The following NEK10 variants were observed in gnomAD, a reference collection of about 807,000 sequenced individuals.
NEK10 encodes the protein serine/threonine-protein kinase Nek10.
NEK10 carries 122 observed loss-of-function variants against 159.8 expected under a neutral mutation model. That is an observed-to-expected ratio of 0.76 (90% CI 0.66 to 0.89). NEK10 has a LOEUF of 0.89. Among genes scored for constraint, NEK10 ranks in the 40% least tolerant of loss-of-function variants. NEK10 has a pLI of 0.00. For missense variants in NEK10, 1,342 were observed against 1,323.1 expected, an observed-to-expected ratio of 1.01 and a Z score of -0.22; for synonymous variants, 466 against 457.1, an observed-to-expected ratio of 1.02 and a Z score of -0.25.
intron 26 of NEK10, among the ~76,000 whole-genome samples, chr3:27,177,431 G>C (rs532339111): frequency 6.6e-5 from 10 of 152,034 alleles, no homozygotes; most frequent in Middle Eastern, 3.4e-3. Flanking sequence ...TGTAGTCCCA[G>C]CTACTCGGGA....
intron 3 of NEK10, among the ~76,000 whole-genome samples, chr3:27,349,964 AGAACACTG>A (rs1292024523): frequency 1.3e-5 from 2 of 152,130 alleles, no homozygotes; most frequent in Non-Finnish European, 2.9e-5. Flanking sequence ...GAACAAAAGT[AGAACACTG>A]GAACACAATG....
chr3:27,236,052 GA>G (rs1471815138), intron 23 of NEK10, among the ~76,000 whole-genome samples: 8 of 152,064 alleles, frequency 5.3e-5, no homozygotes, highest in Non-Finnish European at 1.0e-4. Flanking sequence ...TGCAGAAACA[GA>G]AAAACAAATA....
intron 22 of NEK10, among the ~76,000 whole-genome samples, chr3:27,264,744 A>G (rs2040737371): frequency 6.6e-6 from 1 of 151,970 alleles, no homozygotes; most frequent in Non-Finnish European, 1.5e-5. Flanking sequence ...ATGCAAAAAA[A>G]TTATCTGGGT....
At chr3:27,285,565 C>T (rs945206494) in intron 20 of NEK10, among the ~76,000 whole-genome samples, 1 of 151,152 alleles carries the variant, frequency 6.6e-6, no homozygotes, top group Non-Finnish European at 1.5e-5. Flanking sequence ...CAAAACTGGA[C>T]TTCTCCAGGT....
intron 9 of NEK10, chr3:27,309,820 A>G (rs1189226442): frequency 6.6e-6 from 1 of 152,214 alleles, no homozygotes; most frequent in African/African-American, 2.4e-5. Flanking sequence ...ACTATCGAGC[A>G]TTCCATTTGC....
In NEK10 at chr3:27,307,925, A is replaced by T. The variant is rs776034709; in HGVS notation, c.737T>A (p.Ile246Lys). 6.6e-7 allele frequency: 1 copy of T among 1,518,870 alleles called. No homozygotes were observed. Among genetic ancestry groups the T allele is most frequent in the African/African-American group, 1.4e-5 (1 of 73,228 alleles). The allele number at this position is 1,518,870 out of a possible 1,614,324, so 94.1% of individuals were successfully genotyped here. A position where few individuals can be genotyped will look rare whatever the true frequency, so the allele number is the denominator to read the frequency against. ...ATTTTCTACAATGTTGAGTTCACTT[A>T]TCTTCTCCCTACATTCTTGACTATA... ...LAESQECREK[I>K]SELNIVENLL... is the part of the protein sequence containing the mutation. The change falls in exon 11 of 36, where the codon ATA (isoleucine) becomes AAA (lysine). Residue 246 changes from isoleucine to lysine, a missense_variant. By Grantham distance (102) the Ile-to-Lys change is moderately radical (BLOSUM62 -3). Coordinates refer to ENST00000691995, the MANE Select transcript of NEK10 (RefSeq NM_001394966.1).
chr3:27,208,708 G>A (rs1358617169), intron 23 of NEK10, among the ~76,000 whole-genome samples: 2 of 152,166 alleles, frequency 1.3e-5, no homozygotes, highest in South Asian at 4.1e-4. Flanking sequence ...GAGCAGATGT[G>A]CAGGAAGAAA....
chr3:27,112,369 T>C (rs185056796), intron 35 of NEK10, among the ~76,000 whole-genome samples: 1 of 152,378 alleles, frequency 6.6e-6, no homozygotes, highest in African/African-American at 2.4e-5. Flanking sequence ...ATGATGTGTG[T>C]ACTATTCAAA....
intron 1 of NEK10, among the ~76,000 whole-genome samples, chr3:27,365,596 T>A (rs28638474): frequency 7.4e-6 from 1 of 135,382 alleles, no homozygotes; most frequent in Non-Finnish European, 1.5e-5. Flanking sequence ...TGGTTTTTTG[T>A]GTTTTTTTTT....
At chr3:27,184,376 T>C (rs1437095162) in intron 26 of NEK10, among the ~76,000 whole-genome samples, 2 of 152,204 alleles carry the variant, frequency 1.3e-5, no homozygotes, top group Non-Finnish European at 2.9e-5. Context: ...AAGTAATTTA[T>C]AGTGACAGAA....
rs146771098 is a variant in NEK10, at chr3:27,129,887, A to G, written c.3081+1993T>C. 4.2e-3 allele frequency among the ~76,000 whole-genome samples: 631 copies of G among 151,452 alleles called. 3 individuals carry two copies. Among genetic ancestry groups the G allele is most frequent in the African/African-American group, 0.015 (600 of 41,286 alleles). On this transcript the variant is annotated intron_variant, in intron 32 of 35. Transcript: ENST00000691995. ...AATTCTGGACAGGGAAAATTAAGAA[A>G]GGTTTTTTTTTTTTGTCAGAGCTAT...
intron 30 of NEK10, among the ~76,000 whole-genome samples, chr3:27,154,038 T>C (rs983796326): frequency 1.3e-5 from 2 of 151,952 alleles, no homozygotes; most frequent in Non-Finnish European, 2.9e-5. Flanking sequence ...AAAATATAAA[T>C]AAAATTGATA....
intron 30 of NEK10, among the ~76,000 whole-genome samples, chr3:27,148,820 T>A (rs148543489): frequency 6.6e-6 from 1 of 152,094 alleles, no homozygotes; most frequent in African/African-American, 2.4e-5. Flanking sequence ...CCAAATGGCA[T>A]GAGTGTGAGT....
At chr3:27,125,110 AG>A (rs977426686) in intron 32 of NEK10, among the ~76,000 whole-genome samples, 5 of 152,206 alleles carry the variant, frequency 3.3e-5, no homozygotes, top group African/African-American at 1.2e-4. Flanking sequence ...AAATATATTA[AG>A]GAGAACAGAC....
At chr3:27,362,143 G>A (rs1483097170) in intron 1 of NEK10, among the ~76,000 whole-genome samples, 1 of 152,170 alleles carries the variant, frequency 6.6e-6, no homozygotes, top group Non-Finnish European at 1.5e-5. Flanking sequence ...CTGTGAACTT[G>A]AAGAAGGTCC....
intron 35 of NEK10, among the ~76,000 whole-genome samples, chr3:27,113,556 T>C (rs185808186): frequency 3.0e-4 from 45 of 152,190 alleles, no homozygotes; most frequent in Middle Eastern, 3.4e-3. Context: ...ACCCAACTTA[T>C]ATTGCTTAAA....
At chr3:27,243,006 A>G (rs1410762884) in intron 23 of NEK10, among the ~76,000 whole-genome samples, 1 of 152,222 alleles carries the variant, frequency 6.6e-6, no homozygotes, top group Non-Finnish European at 1.5e-5. Flanking sequence ...TAAAATTGTC[A>G]CAGTTTAACA....
At chr3:27,161,678 AAC>A (rs1234828057) in intron 30 of NEK10, among the ~76,000 whole-genome samples, 1 of 152,246 alleles carries the variant, frequency 6.6e-6, no homozygotes, top group Non-Finnish European at 1.5e-5. Context: ...TAGAAACATT[AAC>A]ACATTCTTCC....
At position 27,344,363 on chromosome 3, in the gene NEK10, A is replaced by G. The variant is rs1431681277; in HGVS notation, c.271T>C (p.Tyr91His). The G allele has an allele frequency of 6.5e-7, 1 of 1,540,344 alleles. No individual in the cohort carries two copies. The highest frequency in any genetic ancestry group is 8.9e-7 in the Non-Finnish European group (1 of 1,119,872). ...AVELENFSIN[Y>H]KNERNFSKHP... is the part of the protein sequence containing the mutation. ...TTGCTGAAATTTCTCTCATTCTTGTAGTTTATACTGAGACAAAACAAACAG... is the reference window on the plus strand; with the variant it reads ...TTGCTGAAATTTCTCTCATTCTTGTGGTTTATACTGAGACAAAACAAACAG... The change falls in exon 5 of 36, where the codon TAC (tyrosine) becomes CAC (histidine). Residue 91 changes from tyrosine (Y) to histidine (H), a missense_variant. Transcript: ENST00000691995.
Sources: gnomAD v4.1 joint callset for allele counts (sites outside exome capture counted in the v4.1 genomes callset) on GRCh38, gnomAD v4.1.1 for gene constraint, MANE v1.5 for transcripts, NCBI Gene and HGNC (gene_info 2026-07-23, HGNC 2026-07-21) for gene names.